The following PCDHA6 variants were observed in gnomAD, a reference collection of about 807,000 sequenced individuals.
PCDHA6 encodes protocadherin alpha 6.
In PCDHA6, 55 loss-of-function variants were observed where a neutral mutation model predicts 60.3. The observed-to-expected ratio is 0.91, with a 90% CI of 0.73 to 1.14. The LOEUF (loss-of-function observed/expected upper bound fraction) is 1.14, where lower values mean the gene tolerates loss of function less well. Among genes scored for constraint, PCDHA6 ranks in the 50% most tolerant of loss-of-function variants. The pLI, the probability that PCDHA6 is intolerant of heterozygous loss-of-function variation, is 0.00. For synonymous variants in PCDHA6, 652 were observed against 557.9 expected (o/e 1.17, Z -2.38); for missense variants, 1,327 against 1,256.5 (o/e 1.06, Z -0.85).
rs782096178 is a variant in PCDHA6 at position 140,876,689 on chromosome 5, CGTT to C, written c.2394+46206_2394+46208del. The C allele has an allele frequency of 6.2e-6, 10 of 1,614,110 alleles. No homozygotes were observed. The East Asian group carries it at 1.6e-4, about 25-fold the overall frequency. On this transcript the variant is annotated intron_variant, in intron 1 of 3. Coordinates refer to ENST00000529310, the MANE Select transcript of PCDHA6 (RefSeq NM_018909.4). ...GTGTCCACCTACAAGAATTACTACT[CGTT>C]GGTGCTGGACAGCGCCCTGGACCGC...
At chr5:140,876,549 G>A in intron 1 of PCDHA6, 2 of 1,614,206 alleles carry the variant, frequency 1.2e-6, no homozygotes, top group Non-Finnish European at 1.7e-6. Flanking sequence ...CGCTCCCTGT[G>A]CAAGAGGATG....
intron 1 of PCDHA6, chr5:140,851,063 G>A (rs1192104512): frequency 7.3e-7 from 1 of 1,372,672 alleles, no homozygotes; most frequent in Non-Finnish European, 9.6e-7. Context: ...TTGACTTCTA[G>A]TGAGAATTAT....
At chr5:140,946,019 C>T (rs1014072062) in intron 1 of PCDHA6, among the ~76,000 whole-genome samples, 2 of 151,732 alleles carry the variant, frequency 1.3e-5, no homozygotes, top group African/African-American at 2.4e-5. Context: ...TCCTGCGCAG[C>T]AAAGAAAACA....
At chr5:140,925,641 T>TATA (rs10569930) in intron 1 of PCDHA6, among the ~76,000 whole-genome samples, 50,126 of 143,032 alleles carry the variant, frequency 0.35, 8,990 homozygotes, top group South Asian at 0.5. Context: ...GAACTTAAAG[T>TATA]ATAATAATAA....
chr5:141,007,416 AAATT>A (rs2098327486), intron 3 of PCDHA6, among the ~76,000 whole-genome samples: 1 of 149,348 alleles, frequency 6.7e-6, no homozygotes, highest in Non-Finnish European at 1.5e-5. Context: ...AAAAAAAAAA[AAATT>A]AGCCAGGCAT....
At chr5:140,850,694 G>C in intron 1 of PCDHA6, 2 of 1,598,344 alleles carry the variant, frequency 1.3e-6, no homozygotes, top group Non-Finnish European at 1.7e-6. Context: ...GCGAGTGCGC[G>C]CCTGGCAAGC....
intron 1 of PCDHA6, among the ~76,000 whole-genome samples, chr5:140,941,953 C>A (rs1166757165): frequency 6.6e-6 from 1 of 152,054 alleles, no homozygotes; most frequent in Non-Finnish European, 1.5e-5. Flanking sequence ...GTTTTGAAAA[C>A]AATAGTATCT....
intron 1 of PCDHA6, chr5:140,871,636 T>G (rs1311531075): frequency 1.5e-6 from 2 of 1,364,670 alleles, no homozygotes; most frequent in African/African-American, 2.9e-5. Flanking sequence ...TGTCTGTTCA[T>G]AAAATACCAA....
intron 1 of PCDHA6, chr5:140,870,462 G>C: frequency 1.2e-6 from 2 of 1,614,196 alleles, no homozygotes; most frequent in Non-Finnish European, 1.7e-6. Flanking sequence ...ATGCGCCTGC[G>C]TTCGCACAGC....
intron 1 of PCDHA6, chr5:140,868,166 T>G (rs1427031961): frequency 1.3e-5 from 2 of 152,120 alleles, no homozygotes; most frequent in Non-Finnish European, 2.9e-5. Flanking sequence ...AGTGCTAAAT[T>G]TTGATATCTC....
Position 140,829,480 on chromosome 5 carries a change from C to T in PCDHA6, c.1389C>T (p.Phe463=), listed in dbSNP as rs2150168584. The change falls in exon 1 of 4, where the codon TTC becomes TTT. Residue 463 remains phenylalanine, a synonymous_variant. Coordinates refer to ENST00000529310, the MANE Select transcript of PCDHA6 (RefSeq NM_018909.4). The part of the protein sequence containing the change: ...PAFAQPEYTV[F]VKENNPPGCH... ...TCGCGCAGCCCGAGTACACAGTGTT[C>T]GTGAAGGAGAACAACCCGCCGGGCT... 6 of 1,613,752 alleles carry T rather than the reference C, an allele frequency of 3.7e-6. No individual in the cohort carries two copies. The highest frequency in any genetic ancestry group is 1.1e-5 in the South Asian group (1 of 91,064).
chr5:140,843,272 G>T, intron 1 of PCDHA6: 1 of 1,596,120 alleles, frequency 6.3e-7, no homozygotes, highest in Non-Finnish European at 8.6e-7. Context: ...GCTGGTCCTG[G>T]TGAAGGATCA....
At chr5:140,867,473 GA>G (rs1319417026) in intron 1 of PCDHA6, 2 of 151,968 alleles carry the variant, frequency 1.3e-5, no homozygotes, top group Non-Finnish European at 2.9e-5. Flanking sequence ...ACAACATTGG[GA>G]AAAGAGTAAA....
intron 1 of PCDHA6, chr5:140,837,289 A>G (rs1775001022): frequency 6.6e-6 from 1 of 152,010 alleles, no homozygotes; most frequent in Non-Finnish European, 1.5e-5. Flanking sequence ...TTTTTAACTT[A>G]CTTTGTTGAG....
intron 1 of PCDHA6, chr5:140,870,913 G>C (rs933995054): frequency 2.5e-6 from 4 of 1,613,936 alleles, no homozygotes; most frequent in Non-Finnish European, 3.4e-6. Context: ...AGGCTACAAC[G>C]CGTGGCTTTC....
intron 1 of PCDHA6, chr5:140,871,504 C>CT: frequency 6.3e-7 from 1 of 1,581,824 alleles, no homozygotes; most frequent in South Asian, 1.1e-5. Flanking sequence ...GGTGAGTTTT[C>CT]TACAGATTCC....
At chr5:140,870,554 A>C (rs1554164402) in intron 1 of PCDHA6, 1 of 1,614,044 alleles carries the variant, frequency 6.2e-7, no homozygotes, top group African/African-American at 1.3e-5. Context: ...GCGGACGCGC[A>C]GGAGAACGCG....
intron 1 of PCDHA6, among the ~76,000 whole-genome samples, chr5:140,923,038 T>C (rs529637754): frequency 1.2e-4 from 19 of 152,316 alleles, no homozygotes; most frequent in Admixed American, 1.0e-3. Context: ...TTACTACATG[T>C]ATAGTATTTA....
intron 1 of PCDHA6, chr5:140,843,183 C>G (rs1778646285): frequency 1.9e-6 from 3 of 1,595,908 alleles, no homozygotes; most frequent in Non-Finnish European, 2.6e-6. Flanking sequence ...CCTCGCATCC[C>G]GTTCCGCGTG....
Sources: allele counts gnomAD v4.1 joint callset (sites outside exome capture counted in the v4.1 genomes callset), GRCh38; gene constraint gnomAD v4.1.1; transcripts MANE v1.5; gene names NCBI Gene and HGNC (gene_info 2026-07-23, HGNC 2026-07-21).